Variants in PHTF2 observed in about 807,000 individuals in gnomAD.
The protein encoded by PHTF2 is putative homeodomain transcription factor 2.
In PHTF2, 60 loss-of-function variants were observed where a neutral mutation model predicts 101.2. The ratio of observed to expected loss-of-function variants is 0.59; its 90% CI spans 0.48 to 0.73. The LOEUF (loss-of-function observed/expected upper bound fraction) is 0.73, where lower values mean the gene tolerates loss of function less well. Ranked by LOEUF, PHTF2 falls within the 30% of genes least tolerant of loss-of-function variation. PHTF2 has a pLI of 0.00. For synonymous variants in PHTF2, 311 were observed against 307.3 expected, an observed-to-expected ratio of 1.01 and a Z score of -0.13; for missense variants, 747 against 908.7, an observed-to-expected ratio of 0.82 and a Z score of 2.29.
chr7:77,816,083 T>C (rs1291618463), intron 1 of PHTF2, among the ~76,000 whole-genome samples: 1 of 152,196 alleles, frequency 6.6e-6, no homozygotes, highest in Non-Finnish European at 1.5e-5. Context: ...TAACTTTTTT[T>C]TTTTCTTTGA....
chr7:77,910,456 C>T lies in PHTF2; in HGVS notation c.776+47C>T, dbSNP rs200442631. On this transcript the variant is annotated intron_variant, in intron 9 of 19. Transcript: ENST00000416283. ...TATATGGCATAGAGATGGCACTATC[C>T]TTTTTCTGGCACTTCAGTCTCAGGT... 10 of 1,318,968 alleles carry T rather than the reference C, an allele frequency of 7.6e-6. No homozygotes were observed. In the East Asian group the frequency reaches 2.1e-4, roughly 28 times the overall value. The allele number at this position is 1,318,968 out of a possible 1,614,324, so 81.7% of individuals were successfully genotyped here.
At chr7:77,949,762 C>T (rs1806379724) in exon 17 of PHTF2, 5 of 1,546,078 alleles carry the variant, frequency 3.2e-6, no homozygotes, top group South Asian at 1.2e-5. Flanking sequence ...ACTTTTTCTC[C>T]TAAGATTTGT....
chr7:77,949,749 A>G, exon 17 of PHTF2: 1 of 1,555,066 alleles, frequency 6.4e-7, no homozygotes, highest in Non-Finnish European at 8.8e-7. Context: ...GCATCTCGTT[A>G]ACACTTTTTC....
chr7:77,865,782 CTTAAA>C (rs1798007558), intron 3 of PHTF2, among the ~76,000 whole-genome samples: 1 of 151,974 alleles, frequency 6.6e-6, no homozygotes, highest in Non-Finnish European at 1.5e-5. Context: ...GTTTTTTATT[CTTAAA>C]TTAAGTACCT....
intron 3 of PHTF2, among the ~76,000 whole-genome samples, chr7:77,858,197 T>G (rs1393483214): frequency 6.6e-6 from 1 of 152,240 alleles, no homozygotes; most frequent in Non-Finnish European, 1.5e-5. Context: ...GTTTAGTTGC[T>G]GTAACATTTG....
chr7:77,930,828 TA>T (rs749679440), intron 12 of PHTF2, among the ~76,000 whole-genome samples: 53 of 152,304 alleles, frequency 3.5e-4, no homozygotes, highest in Middle Eastern at 3.4e-3. Context: ...TGGTTGGAGT[TA>T]GGCTGATTTA....
At chr7:77,890,197 G>T (rs540483073) in intron 3 of PHTF2, among the ~76,000 whole-genome samples, 3 of 152,140 alleles carry the variant, frequency 2.0e-5, no homozygotes, top group African/African-American at 7.2e-5. Context: ...TATTTACAGT[G>T]AAATATGTCA....
At chr7:77,935,407 A>G (rs374650788) in intron 12 of PHTF2, among the ~76,000 whole-genome samples, 5 of 151,774 alleles carry the variant, frequency 3.3e-5, no homozygotes, top group African/African-American at 9.7e-5. Flanking sequence ...TTGTATTTTT[A>G]GTAGAGACGG....
chr7:77,886,191 C>G (rs1799832060), intron 3 of PHTF2, among the ~76,000 whole-genome samples: 1 of 152,182 alleles, frequency 6.6e-6, no homozygotes, highest in Non-Finnish European at 1.5e-5. Context: ...ACCTGAGCCA[C>G]TGCTGTTCTG....
At chr7:77,816,936 TGTA>T (rs1462326996) in intron 1 of PHTF2, among the ~76,000 whole-genome samples, 3 of 152,242 alleles carry the variant, frequency 2.0e-5, no homozygotes, top group Non-Finnish European at 4.4e-5. Context: ...TTCCACTGTC[TGTA>T]GACCCCATTT....
At chr7:77,935,461 G>A (rs1325784007) in intron 12 of PHTF2, among the ~76,000 whole-genome samples, 6 of 152,000 alleles carry the variant, frequency 3.9e-5, no homozygotes, top group Admixed American at 2.0e-4. Flanking sequence ...TCCTGACCTC[G>A]TGATCCGCCC....
chr7:77,877,115 C>CTT (rs200021720), intron 3 of PHTF2, among the ~76,000 whole-genome samples: 1,397 of 137,168 alleles, frequency 0.01, 10 homozygotes, highest in Middle Eastern at 0.027. Flanking sequence ...TTTTCTCTCT[C>CTT]TTTTTTTTTT....
chr7:77,913,158 C>T (rs763346716), intron 9 of PHTF2, among the ~76,000 whole-genome samples: 52 of 151,946 alleles, frequency 3.4e-4, no homozygotes, highest in Non-Finnish European at 5.4e-4. Flanking sequence ...GAGGCCAAGG[C>T]GGGTGGATCA....
chr7:77,949,870 C>T, intron 17 of PHTF2, 37 bp downstream of exon 16: 1 of 1,085,192 alleles, frequency 9.2e-7, no homozygotes, highest in Non-Finnish European at 1.3e-6. Context: ...AAATTAATGT[C>T]TATAAGTTAA....
chr7:77,810,564 G>A (rs955366738), intron 1 of PHTF2, among the ~76,000 whole-genome samples: 6 of 152,066 alleles, frequency 3.9e-5, no homozygotes, highest in Non-Finnish European at 8.8e-5. Context: ...TTGAGACGAA[G>A]TCTTGCTCTG....
At chr7:77,936,292 G>A (rs1170919252) in intron 12 of PHTF2, among the ~76,000 whole-genome samples, 1 of 152,128 alleles carries the variant, frequency 6.6e-6, no homozygotes, top group Non-Finnish European at 1.5e-5. Context: ...ACCTAGAGTA[G>A]ATTCTTCTGT....
intron 7 of PHTF2, among the ~76,000 whole-genome samples, chr7:77,906,774 G>A (rs1485313204): frequency 6.6e-6 from 1 of 152,094 alleles, no homozygotes. Flanking sequence ...CAAGCGTGGT[G>A]GCGGGCACCT....
intron 3 of PHTF2, among the ~76,000 whole-genome samples, chr7:77,863,987 C>T (rs1273862115): frequency 2.0e-5 from 3 of 152,160 alleles, no homozygotes; most frequent in Admixed American, 6.5e-5. Context: ...TCCATGTTGC[C>T]CAGGCTGGGC....
chr7:77,817,962 T>C (rs1793981825), intron 1 of PHTF2, among the ~76,000 whole-genome samples: 1 of 151,852 alleles, frequency 6.6e-6, no homozygotes, highest in East Asian at 1.9e-4. Flanking sequence ...ACAAAAAAAT[T>C]AGCCGGGCAT....
Sources: gnomAD v4.1 joint callset for allele counts (sites outside exome capture counted in the v4.1 genomes callset) on GRCh38, gnomAD v4.1.1 for gene constraint, MANE v1.5 for transcripts, NCBI Gene and HGNC (gene_info 2026-07-23, HGNC 2026-07-21) for gene names.